Variants in ANKS1B observed in about 807,000 individuals in gnomAD.
ANKS1B encodes ankyrin repeat and sterile alpha motif domain containing 1B.
In ANKS1B, 36 loss-of-function variants were observed where a neutral mutation model predicts 148.3. The ratio of observed to expected loss-of-function variants is 0.24; its 90% confidence interval spans 0.19 to 0.32. The LOEUF (loss-of-function observed/expected upper bound fraction) is 0.32, where lower values mean the gene tolerates loss of function less well. ANKS1B is among the 10% of genes least tolerant of loss of function. The pLI is 1.00. For missense variants in ANKS1B, 1,157 were observed against 1,542.6 expected (o/e 0.75, Z 4.19); for synonymous variants, 542 against 560.8 (o/e 0.97, Z 0.47).
At chr12:99,023,260 T>C (rs1298063418) in intron 17 of ANKS1B, among the ~76,000 whole-genome samples, 1 of 152,062 alleles carries the variant, frequency 6.6e-6, no homozygotes, top group African/African-American at 2.4e-5. Context: ...TGTCTCTTTC[T>C]TCTCACTTTT....
At chr12:98,905,117 A>G (rs956792616) in intron 17 of ANKS1B, among the ~76,000 whole-genome samples, 2 of 152,192 alleles carry the variant, frequency 1.3e-5, no homozygotes, top group Non-Finnish European at 2.9e-5. Context: ...TCTATTTTAT[A>G]GATGAGGAAA....
chr12:98,952,379 C>A (rs115150507), intron 17 of ANKS1B, among the ~76,000 whole-genome samples: 2 of 152,206 alleles, frequency 1.3e-5, no homozygotes, highest in African/African-American at 4.8e-5. Flanking sequence ...GGATGGAATA[C>A]AAATGTGCTT....
At chr12:98,757,786 C>G (rs1025286475) in intron 25 of ANKS1B, among the ~76,000 whole-genome samples, 2 of 152,256 alleles carry the variant, frequency 1.3e-5, no homozygotes, top group Admixed American at 6.5e-5. Flanking sequence ...TTGGCTCTTC[C>G]TGTCTCATAT....
intron 12 of ANKS1B, among the ~76,000 whole-genome samples, chr12:99,395,632 T>C (rs1177575540): frequency 6.6e-6 from 1 of 152,168 alleles, no homozygotes; most frequent in African/African-American, 2.4e-5. Context: ...TAGAGTGAAC[T>C]TTCTAGTTAA....
At chr12:99,235,498 T>C (rs887361906) in intron 14 of ANKS1B, among the ~76,000 whole-genome samples, 1 of 152,198 alleles carries the variant, frequency 6.6e-6, no homozygotes, top group Non-Finnish European at 1.5e-5. Context: ...CAAAGATCTG[T>C]ATTCTTACAA....
chr12:99,130,083 T>A (rs981580499), intron 15 of ANKS1B, among the ~76,000 whole-genome samples: 4 of 152,190 alleles, frequency 2.6e-5, no homozygotes, highest in Non-Finnish European at 5.9e-5. Flanking sequence ...AGCAGTTTGG[T>A]GTCTAGTTTT....
At chr12:98,961,651 T>C (rs116518871) in intron 17 of ANKS1B, among the ~76,000 whole-genome samples, 2,263 of 152,030 alleles carry the variant, frequency 0.015, 58 homozygotes, top group South Asian at 0.047. Flanking sequence ...GACTAAAAGA[T>C]CAACCAATCA....
chr12:99,756,026 A>C (rs1369688208), intron 8 of ANKS1B, among the ~76,000 whole-genome samples: 2 of 152,078 alleles, frequency 1.3e-5, no homozygotes, highest in African/African-American at 4.8e-5. Flanking sequence ...CCCACTGAAA[A>C]CTGGAACAAG....
At chr12:99,165,757 A>G (rs1347779953) in intron 14 of ANKS1B, among the ~76,000 whole-genome samples, 1 of 151,954 alleles carries the variant, frequency 6.6e-6, no homozygotes, top group African/African-American at 2.4e-5. Flanking sequence ...GAGGAGAGAG[A>G]ATACTTGCCA....
intron 14 of ANKS1B, among the ~76,000 whole-genome samples, chr12:99,159,316 T>C (rs952654018): frequency 1.3e-5 from 2 of 152,294 alleles, no homozygotes; most frequent in African/African-American, 4.8e-5. Context: ...GCATGAATGA[T>C]CCCGTCACCA....
intron 17 of ANKS1B, among the ~76,000 whole-genome samples, chr12:98,934,123 G>T (rs540683175): frequency 6.6e-6 from 1 of 152,104 alleles, no homozygotes; most frequent in Non-Finnish European, 1.5e-5. Context: ...CTTCTAGCAG[G>T]TTTACAGTTT....
intron 14 of ANKS1B, among the ~76,000 whole-genome samples, chr12:99,216,915 A>C (rs886720970): frequency 2.0e-5 from 3 of 152,238 alleles, no homozygotes; most frequent in Non-Finnish European, 4.4e-5. Context: ...ACTTTGGGTC[A>C]TGCCCTGAAA....
intron 10 of ANKS1B, among the ~76,000 whole-genome samples, chr12:99,498,625 G>A (rs2096626601): frequency 6.6e-6 from 1 of 151,956 alleles, no homozygotes; most frequent in Non-Finnish European, 1.5e-5. Flanking sequence ...GCTCCTAAAG[G>A]TCAACACTTA....
At chr12:99,641,663 A>G (rs2098307654) in intron 9 of ANKS1B, among the ~76,000 whole-genome samples, 2 of 152,142 alleles carry the variant, frequency 1.3e-5, no homozygotes, top group Non-Finnish European at 1.5e-5. Flanking sequence ...CAGCTCATCC[A>G]CTCCGTAAGC....
At chr12:99,704,519 GAC>G (rs780803576) in intron 8 of ANKS1B, among the ~76,000 whole-genome samples, 4 of 151,638 alleles carry the variant, frequency 2.6e-5, no homozygotes, top group Non-Finnish European at 4.4e-5. Context: ...TGTATTTCTA[GAC>G]ACACACATAC....
chr12:99,218,054 G>A (rs934878615), intron 14 of ANKS1B, among the ~76,000 whole-genome samples: 13 of 152,116 alleles, frequency 8.5e-5, no homozygotes, highest in Admixed American at 6.5e-4. Context: ...GTCCTACCAT[G>A]GGTACACAGA....
intron 1 of ANKS1B, among the ~76,000 whole-genome samples, chr12:99,880,195 G>T (rs1319639611): frequency 6.6e-6 from 1 of 152,156 alleles, no homozygotes; most frequent in Admixed American, 6.5e-5. Flanking sequence ...TTCCAAAGTA[G>T]TGAGAGTAAT....
At chr12:99,092,231 C>T (rs909512294) in intron 15 of ANKS1B, among the ~76,000 whole-genome samples, 1 of 152,098 alleles carries the variant, frequency 6.6e-6, no homozygotes, top group Non-Finnish European at 1.5e-5. Context: ...TTGACACCAT[C>T]CCCAGAGAGG....
intron 12 of ANKS1B, among the ~76,000 whole-genome samples, chr12:99,378,652 C>CAAAAAAAAA (rs140892353): frequency 1.1e-5 from 1 of 90,706 alleles, no homozygotes; most frequent in East Asian, 3.0e-4. Context: ...GACTCCATCT[C>CAAAAAAAAA]AAAAAAAAAA....
Sources: gnomAD v4.1 joint callset for allele counts (sites outside exome capture counted in the v4.1 genomes callset) on GRCh38, gnomAD v4.1.1 for gene constraint, MANE v1.5 for transcripts, NCBI Gene and HGNC (gene_info 2026-07-23, HGNC 2026-07-21) for gene names.